CHGA: variants seen among roughly 807,000 people sequenced by gnomAD.
CHGA encodes chromogranin-A.
Under a neutral mutation model 54.4 loss-of-function variants are expected in CHGA, and 41 were observed. The ratio of observed to expected loss-of-function variants is 0.75; its 90% CI spans 0.59 to 0.98. The LOEUF is 0.98. Ranked by LOEUF, CHGA falls within the 50% of genes least tolerant of loss-of-function variation. CHGA has a pLI of 0.00. For synonymous variants in CHGA, 249 were observed against 232.8 expected (o/e 1.07, Z -0.63); for missense variants, 576 against 582.3 (o/e 0.99, Z 0.11).
chr14:92,932,303 G>A lies in CHGA; in HGVS notation c.809-67G>A. ...TGGCCGCAGCAGAGGCCCCCAGGGA[G>A]TGGCAGAGACTGGGAAAATGGTGGT... On this transcript the variant is annotated intron_variant, in intron 6 of 7. Transcript: ENST00000216492. This position sits in a 1 kb window ranked among gnomAD's most constrained non-coding sequence, Gnocchi z 5.3. 6.7e-7 allele frequency: 1 copy of A among 1,493,332 alleles called. No homozygotes were observed. Among genetic ancestry groups the A allele is most frequent in the Non-Finnish European group, 8.9e-7 (1 of 1,118,672 alleles). 92.5% of individuals were successfully genotyped at this position (1,493,332 alleles called of 1,614,324 possible).
At chr14:92,933,004 T>C (rs1377022116) in intron 7 of CHGA, 153 bp downstream of exon 7, 1 of 1,202,088 alleles carries the variant, frequency 8.3e-7, no homozygotes, top group Non-Finnish European at 1.1e-6. Context: ...GCTCTCAGGG[T>C]GGGAGAACAC....
intron 4 of CHGA, 48 bp from the exon 5 acceptor site, chr14:92,929,669 T>G: frequency 4.5e-6 from 7 of 1,548,262 alleles, no homozygotes; most frequent in Non-Finnish European, 6.2e-6. Flanking sequence ...TAGACAAATA[T>G]GCCACAGCTG....
At chr14:92,929,536 A>G (rs963551113) in intron 4 of CHGA, among the ~76,000 whole-genome samples, 181 bp from the exon 5 acceptor site, 3 of 152,196 alleles carry the variant, frequency 2.0e-5, no homozygotes, top group African/African-American at 7.2e-5. Context: ...CCCAGCTGAG[A>G]GAGGTGAGGG....
rs770656863 is a variant in CHGA at position 92,924,230 on chromosome 14, TA to T, written c.81del (p.Asp29IlefsTer4). The part of the protein sequence containing the change: ...TALPVNSPMN[K>X]GDTEVMKCIV... ...CGCTCCCTGTGAACAGCCCTATGAA[TA>T]AAGGGGATACCGAGGTAAGAAGGGG... On this transcript the variant is annotated frameshift_variant, in exon 2 of 8. Coordinates refer to ENST00000216492, the MANE Select transcript of CHGA (RefSeq NM_001275.4). LOFTEE classifies it high-confidence loss of function. 1.2e-6 allele frequency: 2 copies of T among 1,612,182 alleles called. No homozygotes were observed. Among genetic ancestry groups the T allele is most frequent in the South Asian group, 2.2e-5 (2 of 90,400 alleles).
At chr14:92,931,183 A>G in intron 5 of CHGA, 67 bp from the exon 6 acceptor site, 1 of 1,450,476 alleles carries the variant, frequency 6.9e-7, no homozygotes, top group Admixed American at 2.1e-5. Context: ...ATCTGAAATT[A>G]GCCTGTGGGG....
intron 4 of CHGA, among the ~76,000 whole-genome samples, chr14:92,927,917 T>C (rs936957507): frequency 6.6e-6 from 1 of 152,212 alleles, no homozygotes; most frequent in African/African-American, 2.4e-5. Context: ...AATACCTTTA[T>C]GAAGTAGTGA....
chr14:92,926,407 T>C, intron 2 of CHGA, 198 bp from the exon 3 acceptor site: 4 of 588,168 alleles, frequency 6.8e-6, no homozygotes, highest in South Asian at 4.2e-5. Context: ...TGGTAAGCAC[T>C]GTGTTAAGGG....
At chr14:92,925,198 G>A (rs1301789144) in intron 2 of CHGA, among the ~76,000 whole-genome samples, 3 of 152,190 alleles carry the variant, frequency 2.0e-5, no homozygotes, top group Non-Finnish European at 2.9e-5. Context: ...AATCATGGAT[G>A]TGAATTGCCT....
rs781384364 is a variant in CHGA, at chr14:92,929,829, G to A, written c.355+14G>A. 20 of 1,607,936 alleles carry A rather than the reference G, an allele frequency of 1.2e-5. No individual in the cohort carries two copies. Among genetic ancestry groups the A allele is most frequent in the Admixed American group, 1.7e-5 (1 of 59,922 alleles). On this transcript the variant is annotated intron_variant, in intron 5 of 7. Transcript: ENST00000216492. ...CCGAGCTGAAAGGTCTGTCCCAGCC[G>A]GTCTGGCCGGAGGTGGGGAAGGGAG...
Position 92,935,236 on chromosome 14 carries a change from A to G in CHGA, c.*352A>G, listed in dbSNP as rs1259965344. Reference sequence around the variant, plus strand: ...AGCTGAGAACTCCTGACTGTAACATATTCTGTATGAACTTTATCTAAAGAA... The same window carrying G: ...AGCTGAGAACTCCTGACTGTAACATGTTCTGTATGAACTTTATCTAAAGAA... On this transcript the variant is annotated 3_prime_UTR_variant, in exon 8 of 8. Coordinates refer to ENST00000216492, the MANE Select transcript of CHGA (RefSeq NM_001275.4). The G allele has an allele frequency of 3.7e-6, 1 of 273,046 alleles. No homozygotes were observed. Among genetic ancestry groups the G allele is most frequent in the Non-Finnish European group, 6.7e-6 (1 of 148,320 alleles). The allele number at this position is 273,046 out of a possible 1,614,324, so 16.9% of individuals were successfully genotyped here. A position where few individuals can be genotyped will look rare whatever the true frequency, so the allele number is the denominator to read the frequency against.
chr14:92,931,508 G>T lies in CHGA; in HGVS notation c.614G>T (p.Gly205Val), dbSNP rs1306175256. The change falls in exon 6 of 8, where the codon GGC (glycine) becomes GTC (valine). Residue 205 changes from glycine (G) to valine (V), a missense_variant. Coordinates refer to ENST00000216492, the MANE Select transcript of CHGA (RefSeq NM_001275.4). ...CCACAGGCCGAGGGGGACAGTGAGG[G>T]CCTCTCTCAGGGTCTGGTGGACAGA... ...PGPQAEGDSE[G>V]LSQGLVDREK... 1 of 1,612,580 alleles carries T rather than the reference G, an allele frequency of 6.2e-7. No individual in the cohort carries two copies. Among genetic ancestry groups the T allele is most frequent in the African/African-American group, 1.3e-5 (1 of 74,880 alleles).
intron 7 of CHGA, among the ~76,000 whole-genome samples, chr14:92,934,272 G>C (rs1887071999): frequency 6.6e-6 from 1 of 152,200 alleles, no homozygotes; most frequent in South Asian, 2.1e-4. Flanking sequence ...CCAGAGTTCG[G>C]GATCCTCTCA....
intron 5 of CHGA, among the ~76,000 whole-genome samples, chr14:92,930,546 C>T (rs1008729143): frequency 2.6e-5 from 4 of 152,198 alleles, no homozygotes; most frequent in Admixed American, 1.3e-4. Context: ...AAAGAGATCC[C>T]GAGCTTGTCA....
chr14:92,931,744 A>T lies in CHGA; in HGVS notation c.808+42A>T, dbSNP rs763949562. 3 of 1,519,612 alleles carry T rather than the reference A, an allele frequency of 2.0e-6. No homozygotes were observed. In the East Asian group the frequency reaches 6.8e-5, roughly 35 times the overall value. The allele number at this position is 1,519,612 out of a possible 1,614,324, so 94.1% of individuals were successfully genotyped here. A position where few individuals can be genotyped will look rare whatever the true frequency, so the allele number is the denominator to read the frequency against. On this transcript the variant is annotated intron_variant, in intron 6 of 7. Transcript: ENST00000216492. ...AGACCTCAACGAACGTGTCTGGGAGAGGGGGATGGGTGGGAGGAGAGCCTT... is the reference window on the plus strand; with the variant it reads ...AGACCTCAACGAACGTGTCTGGGAGTGGGGGATGGGTGGGAGGAGAGCCTT...
intron 1 of CHGA, 33 bp from the exon 2 acceptor site, chr14:92,924,163 AGAG>A: frequency 6.2e-7 from 1 of 1,604,876 alleles, no homozygotes; most frequent in Non-Finnish European, 8.5e-7. Flanking sequence ...CACTTGGAGC[AGAG>A]GAGTGACCCC....
chr14:92,926,447 G>T (rs758415592), intron 2 of CHGA, 158 bp from the exon 3 acceptor site: 8 of 634,830 alleles, frequency 1.3e-5, no homozygotes, highest in Non-Finnish European at 2.0e-5. Context: ...TCACTGTCTG[G>T]CTAAGAAAGC....
chr14:92,931,277 A>T lies in CHGA; in HGVS notation c.383A>T (p.Asp128Val). ...GCGGTGGAAGAGCCATCATCCAAGG[A>T]TGTTATGGAGAAAAGAGAGGATTCC... The part of the protein sequence containing the change: ...KEAVEEPSSK[D>V]VMEKREDSKE... Residue 128 changes from aspartate to valine, a missense_variant, in exon 6 of 8, where the codon GAT becomes GTT. Physicochemically the swap from Asp to Val is radical, Grantham distance 152 (BLOSUM62 -3). Coordinates refer to ENST00000216492, the MANE Select transcript of CHGA (RefSeq NM_001275.4). The T allele has an allele frequency of 6.2e-7, 1 of 1,613,058 alleles. No homozygotes were observed. Among genetic ancestry groups the T allele is most frequent in the Non-Finnish European group, 8.5e-7 (1 of 1,179,486 alleles).
Position 92,927,536 on chromosome 14 carries a change from C to T in CHGA, c.188-14C>T. On this transcript the variant is annotated splice_polypyrimidine_tract_variant and intron_variant, in intron 3 of 7. Transcript: ENST00000216492. ...TCTCTGGAAACCACCCATGATGACT[C>T]TTCTTCATTGCAGATGAACGGATCC... is the stretch of plus-strand genomic sequence containing the variant. 1 of 1,610,154 alleles carries T rather than the reference C, an allele frequency of 6.2e-7. No individual in the cohort carries two copies. Among genetic ancestry groups the T allele is most frequent in the South Asian group, 1.1e-5 (1 of 90,544 alleles).
chr14:92,932,229 CAAG>C lies in CHGA; in HGVS notation c.809-137_809-135del, dbSNP rs1252357487. 59 of 1,210,048 alleles carry C rather than the reference CAAG, an allele frequency of 4.9e-5. No individual in the cohort carries two copies. Among genetic ancestry groups the C allele is most frequent in the African/African-American group, 1.4e-4 (9 of 65,418 alleles). 75.0% of individuals were successfully genotyped at this position (1,210,048 alleles called of 1,614,324 possible). A position where few individuals can be genotyped will look rare whatever the true frequency, so the allele number is the denominator to read the frequency against. ...GAGAGGGTCTTGCAAAGCCTGGCAT[CAAG>C]AAGGTTTTTCCCGCTAAGCGTCATC... On this transcript the variant is annotated intron_variant, in intron 6 of 7. Transcript: ENST00000216492. This position sits in a 1 kb window ranked among gnomAD's most constrained non-coding sequence, Gnocchi z 5.3.
Sources: allele counts gnomAD v4.1 joint callset (sites outside exome capture counted in the v4.1 genomes callset), GRCh38; gene constraint gnomAD v4.1.1; non-coding constraint Gnocchi (gnomAD v3.1); transcripts MANE v1.5; gene names NCBI Gene and HGNC (gene_info 2026-07-23, HGNC 2026-07-21).